The following DST variants were observed in gnomAD, a reference collection of about 807,000 sequenced individuals.
The protein encoded by DST is dystonin.
DST carries 253 observed loss-of-function variants against 875.2 expected under a neutral mutation model. That is an observed-to-expected ratio of 0.29 (90% CI 0.26 to 0.32). The LOEUF is 0.32. DST is among the 10% of genes least tolerant of loss of function. The probability of loss-of-function intolerance (pLI) is 1.00; values close to 1 mark genes in which losing one functional copy is unlikely to be tolerated. For synonymous variants in DST, 3,124 were observed against 3,197.1 expected (o/e 0.98, Z 0.77); for missense variants, 8,287 against 9,111.6 (o/e 0.91, Z 3.68).
chr6:56,498,163 A>AT, intron 80 of DST, 110 bp from the exon 81 acceptor site: 1 of 1,085,096 alleles, frequency 9.2e-7, no homozygotes, highest in East Asian at 2.4e-5. Context: ...CAAAAACGTT[A>AT]TATGTGTAGA....
chr6:56,582,629 T>TACAC (rs2098034244), intron 49 of DST, among the ~76,000 whole-genome samples: 1 of 151,338 alleles, frequency 6.6e-6, no homozygotes, highest in Non-Finnish European at 1.5e-5. Context: ...AGTTTTAGGG[T>TACAC]ACGTGTGCAC....
intron 2 of DST, among the ~76,000 whole-genome samples, chr6:56,924,103 G>A (rs183494501): frequency 2.7e-4 from 41 of 152,112 alleles, no homozygotes; most frequent in Middle Eastern, 3.4e-3. Context: ...CAGCCCGGGC[G>A]ATAGAGCAAG....
intron 4 of DST, among the ~76,000 whole-genome samples, chr6:56,741,245 A>G (rs1047676831): frequency 6.6e-6 from 1 of 152,218 alleles, no homozygotes; most frequent in Non-Finnish European, 1.5e-5. Flanking sequence ...TTGTTGTGCT[A>G]GATGCTCAAA....
chr6:56,553,367 G>T lies in DST; in HGVS notation c.15425C>A (p.Thr5142Lys). The change falls in exon 61 of 104, where the codon ACA (threonine) becomes AAA (lysine). Residue 5142 changes from threonine to lysine, a missense_variant. By Grantham distance (78) the Thr-to-Lys change is moderately conservative (BLOSUM62 -1). Around this residue, in one of 10 missense-constraint regions of DST, gnomAD observed 1,513 missense variants for 1,677.8 expected, o/e 0.90. Coordinates refer to ENST00000680361, the MANE Select transcript of DST (RefSeq NM_001374736.1). ...AAATGTATCCCAATTGGTTTTAATT[G>T]TATTAAGCTGTAACTGTAAGGCTGC... is the stretch of plus-strand genomic sequence containing the variant. The part of the protein sequence containing the change: ...EKAALQLQLN[T>K]IKTNWDTFNK... 6.2e-7 allele frequency: 1 copy of T among 1,607,092 alleles called. No individual in the cohort carries two copies. Among genetic ancestry groups the T allele is most frequent in the African/African-American group, 1.3e-5 (1 of 74,330 alleles).
intron 77 of DST, among the ~76,000 whole-genome samples, 196 bp from the exon 78 acceptor site, chr6:56,504,294 A>G (rs879362485): frequency 2.6e-5 from 4 of 152,188 alleles, no homozygotes; most frequent in African/African-American, 7.2e-5. Flanking sequence ...AATATGAAAT[A>G]GATACATACA....
intron 36 of DST, chr6:56,615,630 T>C: frequency 6.2e-7 from 1 of 1,614,152 alleles, no homozygotes; most frequent in East Asian, 2.2e-5. Flanking sequence ...TCTTTATATG[T>C]CAACTTTCTT....
chr6:56,506,571 T>C (rs745596193), intron 76 of DST, 27 bp from the exon 77 acceptor site: 1 of 1,608,778 alleles, frequency 6.2e-7, no homozygotes, highest in Non-Finnish European at 8.5e-7. Context: ...AGAATTCTTT[T>C]AGTGCCATAT....
chr6:56,715,497 T>G (rs1232757834), intron 5 of DST, among the ~76,000 whole-genome samples: 1 of 152,200 alleles, frequency 6.6e-6, no homozygotes, highest in Non-Finnish European at 1.5e-5. Flanking sequence ...TAACCTTCTC[T>G]TGTTTCTCTC....
At chr6:56,499,914 T>C (rs1000565811) in intron 80 of DST, among the ~76,000 whole-genome samples, 9 of 152,178 alleles carry the variant, frequency 5.9e-5, no homozygotes, top group Non-Finnish European at 1.0e-4. Context: ...TAAGCAAATG[T>C]ATAATGTAGA....
chr6:56,854,448 G>A (rs1174762681), intron 3 of DST, among the ~76,000 whole-genome samples: 1 of 151,906 alleles, frequency 6.6e-6, no homozygotes, highest in Non-Finnish European at 1.5e-5. Flanking sequence ...ATCAATAGGA[G>A]ACTGTTTAAA....
intron 79 of DST, 89 bp from the exon 80 acceptor site, chr6:56,501,324 T>G (rs1255897167): frequency 1.7e-5 from 24 of 1,394,732 alleles, no homozygotes; most frequent in Non-Finnish European, 2.3e-5. Flanking sequence ...AATTGTTTCA[T>G]GTTGTATAAG....
At chr6:56,635,087 C>T in intron 24 of DST, 134 bp from the exon 25 acceptor site, 1 of 705,736 alleles carries the variant, frequency 1.4e-6, no homozygotes, top group East Asian at 2.7e-5. Flanking sequence ...AATCTTTCCT[C>T]CTCCACCCCA....
At chr6:56,821,082 T>G (rs139157998) in intron 4 of DST, among the ~76,000 whole-genome samples, 1 of 152,366 alleles carries the variant, frequency 6.6e-6, no homozygotes, top group Non-Finnish European at 1.5e-5. Flanking sequence ...AGTGCCAAAC[T>G]GTCATCAGAT....
At chr6:56,693,435 G>T in intron 9 of DST, 1 of 1,056,294 alleles carries the variant, frequency 9.5e-7, no homozygotes, top group Non-Finnish European at 1.1e-6. Context: ...TTACAACACT[G>T]ATGAGCTCTC....
intron 10 of DST, among the ~76,000 whole-genome samples, chr6:56,657,357 T>C (rs1353076868): frequency 6.6e-6 from 1 of 152,154 alleles, no homozygotes; most frequent in Non-Finnish European, 1.5e-5. Flanking sequence ...GGCATGTCAT[T>C]TTATGTTTGC....
Position 56,878,969 on chromosome 6 carries a change from A to G in DST, c.417+21452T>C, listed in dbSNP as rs143768134. 3.4e-4 allele frequency among the ~76,000 whole-genome samples: 52 copies of G among 152,330 alleles called. No individual in the cohort carries two copies. In the Middle Eastern group the frequency reaches 0.01, roughly 30 times the overall value. ...GGCTTTCCATTATCTAAGAATCACC[A>G]GTAAAGTTGTGGCACCTGCCTTGAG... On this transcript the variant is annotated intron_variant, in intron 3 of 103. Transcript: ENST00000680361.
rs1432481893 is a variant in DST, at chr6:56,482,784, A to C, written c.21301T>G (p.Ser7101Ala). ...TCCTGCATCTGGACCTTGACCCAGG[A>C]GGAGTCATCCCGACTGCCTTCTATG... Reference protein sequence around the residue: ...ELIEGSRDDSSWVKVQMQELS... With the variant: ...ELIEGSRDDSAWVKVQMQELS... The change falls in exon 89 of 104, where the codon TCC becomes GCC. Residue 7101 changes from serine to alanine, a missense_variant. Ser to Ala is a moderately conservative substitution (Grantham distance 99, BLOSUM62 1). Transcript: ENST00000680361. 1 of 1,613,820 alleles carries C rather than the reference A, an allele frequency of 6.2e-7. No homozygotes were observed. The highest frequency in any genetic ancestry group is 8.5e-7 in the Non-Finnish European group (1 of 1,179,798).
At chr6:56,614,942 A>G (rs2098597936) in intron 36 of DST, 1 of 992,130 alleles carries the variant, frequency 1.0e-6, no homozygotes, top group Non-Finnish European at 1.2e-6. Context: ...TAATATTCAT[A>G]ATGTTAGCTT....
intron 2 of DST, among the ~76,000 whole-genome samples, chr6:56,918,221 G>A (rs888739517): frequency 6.6e-6 from 1 of 151,608 alleles, no homozygotes; most frequent in African/African-American, 2.4e-5. Context: ...CCACCTCCCG[G>A]GTTCAAGTGA....
Sources: gnomAD v4.1 joint callset for allele counts (sites outside exome capture counted in the v4.1 genomes callset) on GRCh38, gnomAD v4.1.1 for gene constraint, gnomAD v4.1.1 regional missense constraint, MANE v1.5 for transcripts, NCBI Gene and HGNC (gene_info 2026-07-23, HGNC 2026-07-21) for gene names.